Variants in FSTL4 observed in about 807,000 individuals in gnomAD.
FSTL4 encodes the protein follistatin like 4, also known as follistatin-related protein 4.
Under a neutral mutation model 78.2 loss-of-function variants are expected in FSTL4, and 28 were observed. That is an observed-to-expected ratio of 0.36 (90% CI 0.27 to 0.49). The LOEUF (loss-of-function observed/expected upper bound fraction) is 0.49, where lower values mean the gene tolerates loss of function less well. FSTL4 is among the 20% of genes least tolerant of loss of function. The probability of loss-of-function intolerance (pLI) is 0.98; values close to 1 mark genes in which losing one functional copy is unlikely to be tolerated. For synonymous variants in FSTL4, 422 were observed against 440.5 expected (o/e 0.96, Z 0.53); for missense variants, 922 against 1,084.9 (o/e 0.85, Z 2.11).
chr5:133,297,138 G>A (rs549451882), intron 6 of FSTL4, among the ~76,000 whole-genome samples: 4 of 152,328 alleles, frequency 2.6e-5, no homozygotes, highest in East Asian at 1.9e-4. Context: ...GTCAAATAGT[G>A]TTACCAAAAA....
At chr5:133,755,328 C>T in the FSTL4 span, among the ~76,000 whole-genome samples, 1 of 152,156 alleles carries the variant, frequency 6.6e-6, no homozygotes, top group Non-Finnish European at 1.5e-5. Context: ...TTTATTCTCT[C>T]TAAACATTCT....
At chr5:133,405,459 C>T (rs1756337376) in intron 3 of FSTL4, among the ~76,000 whole-genome samples, 1 of 152,202 alleles carries the variant, frequency 6.6e-6, no homozygotes, top group South Asian at 2.1e-4. Flanking sequence ...ACAGCCCTTA[C>T]ACATGGCCTT....
chr5:133,293,372 G>C (rs573505687), intron 6 of FSTL4, among the ~76,000 whole-genome samples: 1 of 152,110 alleles, frequency 6.6e-6, no homozygotes, highest in Admixed American at 6.5e-5. Context: ...TCTACAGGTC[G>C]GTCCTCCTCA....
intron 13 of FSTL4, among the ~76,000 whole-genome samples, chr5:133,216,002 C>T (rs780594763): frequency 5.3e-5 from 8 of 152,182 alleles, no homozygotes; most frequent in Non-Finnish European, 1.2e-4. Flanking sequence ...GTCCCTTTTG[C>T]TATATAAGGC....
chr5:133,666,009 G>T, the FSTL4 span, among the ~76,000 whole-genome samples: 1 of 151,958 alleles, frequency 6.6e-6, no homozygotes, highest in Non-Finnish European at 1.5e-5. Flanking sequence ...TGACCTCACT[G>T]GCTTAACCCC....
chr5:133,393,194 C>T (rs1755898413), intron 4 of FSTL4, among the ~76,000 whole-genome samples: 1 of 49,988 alleles, frequency 2.0e-5, no homozygotes, highest in South Asian at 7.0e-4. Flanking sequence ...TGACAGAATC[C>T]GCGGAGGAGT....
At chr5:133,570,924 C>T (rs987790741) in intron 2 of FSTL4, among the ~76,000 whole-genome samples, 1 of 152,014 alleles carries the variant, frequency 6.6e-6, no homozygotes, top group South Asian at 2.1e-4. Context: ...GGGAAATAAA[C>T]ATCAGAGTGC....
chr5:133,801,766 T>C, the FSTL4 span, among the ~76,000 whole-genome samples: 2 of 152,202 alleles, frequency 1.3e-5, no homozygotes, highest in African/African-American at 2.4e-5. Flanking sequence ...ACAGTACCCA[T>C]TCCTCTGATC....
intron 8 of FSTL4, among the ~76,000 whole-genome samples, 183 bp downstream of exon 8, chr5:133,233,233 TA>T (rs1751547897): frequency 6.6e-6 from 1 of 152,248 alleles, no homozygotes; most frequent in African/African-American, 2.4e-5. Context: ...TGGAGCCAAA[TA>T]TGAAAATTGG....
the FSTL4 span, among the ~76,000 whole-genome samples, chr5:133,829,936 C>T: frequency 1.3e-5 from 2 of 152,110 alleles, no homozygotes; most frequent in African/African-American, 4.8e-5. Context: ...TGGCTCAAGA[C>T]TCCCATGAGG....
chr5:133,565,355 C>G (rs2112942160), intron 3 of FSTL4, among the ~76,000 whole-genome samples: 1 of 152,314 alleles, frequency 6.6e-6, no homozygotes, highest in East Asian at 1.9e-4. Flanking sequence ...ATTCCCAGAC[C>G]TAAAAATACT....
intron 6 of FSTL4, among the ~76,000 whole-genome samples, chr5:133,282,680 AC>A (rs1198449833): frequency 6.6e-6 from 1 of 151,858 alleles, no homozygotes; most frequent in Non-Finnish European, 1.5e-5. Context: ...CTGAACAGAG[AC>A]CTGAGTTGCT....
intron 3 of FSTL4, among the ~76,000 whole-genome samples, chr5:133,418,695 G>A (rs1248090760): frequency 6.6e-6 from 1 of 152,144 alleles, no homozygotes; most frequent in African/African-American, 2.4e-5. Flanking sequence ...TGACTGAGAG[G>A]ATGGAAATAG....
chr5:133,321,717 AC>A (rs1259174085), intron 4 of FSTL4, among the ~76,000 whole-genome samples: 1 of 152,174 alleles, frequency 6.6e-6, no homozygotes, highest in Non-Finnish European at 1.5e-5. Flanking sequence ...GGCCTCTCTA[AC>A]TCAGCCTGGG....
At chr5:133,251,999 G>A in intron 6 of FSTL4, 1 of 152,504 alleles carries the variant, frequency 6.6e-6, no homozygotes, top group Non-Finnish European at 1.5e-5. Context: ...CCCTTGCCGT[G>A]GGAAGTGAGG....
rs1046164212 is a variant in FSTL4 at position 133,440,074 on chromosome 5, G to T, written c.161-39088C>A. Among the ~76,000 whole-genome samples the T allele has an allele frequency of 2.6e-5, 4 of 152,162 alleles. No individual in the cohort carries two copies. Among genetic ancestry groups the T allele is most frequent in the African/African-American group, 9.7e-5 (4 of 41,430 alleles). ...GGGACATGCTGGGGTCGGGAGGAAG[G>T]AAAGGAAGAGTCACCCTGGAGCACA... On this transcript the variant is annotated intron_variant, in intron 3 of 15. Coordinates refer to ENST00000265342, the MANE Select transcript of FSTL4 (RefSeq NM_015082.2). This position sits in a 1 kb window ranked among gnomAD's most constrained non-coding sequence, Gnocchi z 4.1.
Position 133,361,839 on chromosome 5 carries a change from A to G in FSTL4, c.409+38899T>C, listed in dbSNP as rs993938474. ...GGACCAGGGATACCAGACATTTTGC[A>G]TTGTATAAGACAGTCCTTCACAACA... On this transcript the variant is annotated intron_variant, in intron 4 of 15. Transcript: ENST00000265342. The surrounding 1 kb of genome is among the most constrained non-coding windows in gnomAD (Gnocchi z 4.3). 5.3e-5 allele frequency among the ~76,000 whole-genome samples: 8 copies of G among 152,202 alleles called. No homozygotes were observed. Among genetic ancestry groups the G allele is most frequent in the Non-Finnish European group, 7.3e-5 (5 of 68,032 alleles).
chr5:133,457,032 A>G (rs986681621), intron 3 of FSTL4, among the ~76,000 whole-genome samples: 1 of 152,194 alleles, frequency 6.6e-6, no homozygotes, highest in African/African-American at 2.4e-5. Context: ...GACCCTCAGC[A>G]AGGATGGAGC....
chr5:133,774,486 G>T, the FSTL4 span, among the ~76,000 whole-genome samples: 1 of 152,128 alleles, frequency 6.6e-6, no homozygotes, highest in Non-Finnish European at 1.5e-5. Flanking sequence ...CCAAAAGTTA[G>T]TAGTGCTGAA....
Sources: allele counts gnomAD v4.1 joint callset (sites outside exome capture counted in the v4.1 genomes callset), GRCh38; gene constraint gnomAD v4.1.1; non-coding constraint Gnocchi (gnomAD v3.1); transcripts MANE v1.5; gene names NCBI Gene and HGNC (gene_info 2026-07-23, HGNC 2026-07-21).